Variants in FRMPD4 observed in about 807,000 individuals in gnomAD.
FRMPD4 encodes the protein FERM and PDZ domain-containing protein 4.
In FRMPD4, 22 loss-of-function variants were observed where a neutral mutation model predicts 94.1. That is an observed-to-expected ratio of 0.23 (90% CI 0.17 to 0.33). The LOEUF (loss-of-function observed/expected upper bound fraction) is 0.33, where lower values mean the gene tolerates loss of function less well. Ranked by LOEUF, FRMPD4 falls within the 10% of genes least tolerant of loss-of-function variation. FRMPD4 has a pLI of 1.00. For synonymous variants in FRMPD4, 631 were observed against 548.6 expected, an observed-to-expected ratio of 1.15 and a Z score of -2.10; for missense variants, 1,111 against 1,339.9, an observed-to-expected ratio of 0.83 and a Z score of 2.67.
chrX:12,695,401 T>TTTA (rs1569058599), intron 9 of FRMPD4, among the ~76,000 whole-genome samples: 13 of 110,416 alleles, frequency 1.2e-4, no homozygotes, highest in Non-Finnish European at 1.7e-4. Context: ...ACTCTTTTTT[T>TTTA]TTTATTTATT....
intron 11 of FRMPD4, among the ~76,000 whole-genome samples, chrX:12,704,815 T>C: frequency 8.9e-6 from 1 of 112,358 alleles, no homozygotes; most frequent in Non-Finnish European, 1.9e-5. Context: ...GTTTCAATCA[T>C]GCAATTGCTT....
intron 1 of FRMPD4, among the ~76,000 whole-genome samples, chrX:12,258,263 A>C: frequency 9.0e-6 from 1 of 111,230 alleles, no homozygotes; most frequent in East Asian, 2.8e-4. Context: ...AGGACCTTTA[A>C]GAGGTGATTA....
chrX:12,464,777 A>G (rs2057431479), intron 1 of FRMPD4, among the ~76,000 whole-genome samples: 1 of 112,112 alleles, frequency 8.9e-6, no homozygotes, highest in Admixed American at 9.4e-5. Flanking sequence ...TAATGATTTC[A>G]TATCAAATTA....
chrX:11,836,860 T>G (rs1407301112), intron 1 of FRMPD4, among the ~76,000 whole-genome samples: 1 of 111,955 alleles, frequency 8.9e-6, no homozygotes, highest in Non-Finnish European at 1.9e-5. Context: ...AATTTAAAAG[T>G]TCTATTTCAT....
intron 2 of FRMPD4, among the ~76,000 whole-genome samples, chrX:12,570,769 T>G (rs2058754067): frequency 9.0e-6 from 1 of 111,223 alleles, no homozygotes; most frequent in Admixed American, 9.6e-5. Context: ...ATTTAATAAC[T>G]GAGAAGGCCA....
At chrX:12,079,213 G>C (rs139865204) in intron 3 of FRMPD4, among the ~76,000 whole-genome samples, 3,665 of 110,312 alleles carry the variant, frequency 0.033, 83 homozygotes, top group Non-Finnish European at 0.053. Context: ...AATAATGGTA[G>C]AATAATGGTA....
At chrX:12,705,632 A>C (rs779693616) in intron 11 of FRMPD4, among the ~76,000 whole-genome samples, 22 of 111,090 alleles carry the variant, frequency 2.0e-4, no homozygotes, top group Non-Finnish European at 3.8e-4. Flanking sequence ...GTGAGCATTC[A>C]GCTTACAGAG....
Position 12,498,666 on chromosome X carries a change from T to C in FRMPD4, c.42-14T>C, listed in dbSNP as rs1403383284. 6 of 1,031,214 alleles carry C rather than the reference T, an allele frequency of 5.8e-6. No homozygotes were observed. In the Admixed American group the frequency reaches 6.7e-5, roughly 11 times the overall value. The allele number at this position is 1,031,214 out of a possible 1,213,427, so 85.0% of individuals were successfully genotyped here. A position where few individuals can be genotyped will look rare whatever the true frequency, so the allele number is the denominator to read the frequency against. On this transcript the variant is annotated splice_polypyrimidine_tract_variant and intron_variant, in intron 1 of 16. Coordinates refer to ENST00000675598, the MANE Select transcript of FRMPD4 (RefSeq NM_001368397.1). Reference sequence around the variant, plus strand: ...AGTCAGGTGTAATGATGCTTTTTTTTTTTTCTTTTCCAGCCACAGGACGAA... The same window carrying C: ...AGTCAGGTGTAATGATGCTTTTTTTCTTTTCTTTTCCAGCCACAGGACGAA...
chrX:12,092,921 A>T (rs201076633), intron 3 of FRMPD4, among the ~76,000 whole-genome samples: 1 of 111,796 alleles, frequency 8.9e-6, no homozygotes, highest in East Asian at 2.8e-4. Flanking sequence ...ATTGTCAATG[A>T]GGTGGTTAGA....
chrX:12,016,892 T>C (rs2054607474), intron 3 of FRMPD4, among the ~76,000 whole-genome samples: 1 of 112,030 alleles, frequency 8.9e-6, no homozygotes, highest in Admixed American at 9.5e-5. Context: ...AAGCCTCTAT[T>C]GGAAGCAAAC....
intron 3 of FRMPD4, among the ~76,000 whole-genome samples, chrX:11,997,474 A>G (rs1311473674): frequency 8.9e-6 from 1 of 111,815 alleles, no homozygotes. Context: ...GTGGCTTACA[A>G]TAATATGCAT....
chrX:11,911,151 C>T (rs1397208886), intron 3 of FRMPD4, among the ~76,000 whole-genome samples: 1 of 112,484 alleles, frequency 8.9e-6, no homozygotes, highest in African/African-American at 3.2e-5. Flanking sequence ...AATATGTGAA[C>T]AAATAAGCAT....
intron 1 of FRMPD4, among the ~76,000 whole-genome samples, chrX:11,831,769 G>T (rs1011898348): frequency 8.9e-6 from 1 of 111,786 alleles, no homozygotes. Flanking sequence ...TCAAGGAAAA[G>T]AGTAGTAGCT....
At chrX:12,339,409 AT>A (rs1472088223) in intron 1 of FRMPD4, among the ~76,000 whole-genome samples, 1 of 111,373 alleles carries the variant, frequency 9.0e-6, no homozygotes, top group Non-Finnish European at 1.9e-5. Context: ...TGCTTTTTAC[AT>A]CTTTAACCCC....
chrX:11,980,563 T>C (rs2054391969), intron 3 of FRMPD4, among the ~76,000 whole-genome samples: 1 of 111,740 alleles, frequency 8.9e-6, no homozygotes, highest in Admixed American at 9.5e-5. Flanking sequence ...AAGGTAAGCA[T>C]TTTAGACTGT....
intron 4 of FRMPD4, among the ~76,000 whole-genome samples, chrX:12,623,882 C>A (rs2059322128): frequency 8.9e-6 from 1 of 112,006 alleles, no homozygotes; most frequent in Non-Finnish European, 1.9e-5. Context: ...GAAGAACCGC[C>A]AACCAAGAAT....
chrX:12,293,184 C>T lies in FRMPD4; in HGVS notation c.41+154172C>T, dbSNP rs555447462. On this transcript the variant is annotated intron_variant, in intron 1 of 16. Transcript: ENST00000675598. ...AATAATAATATAGGAATGTGGAAAG[C>T]GAGGCTGGGTGAAAGAATGCTAAGA... 3.7e-4 allele frequency among the ~76,000 whole-genome samples: 41 copies of T among 111,695 alleles called. No individual in the cohort carries two copies. The South Asian group carries it at 0.01, about 28-fold the overall frequency.
chrX:12,387,797 C>T (rs2056417120), intron 1 of FRMPD4, among the ~76,000 whole-genome samples: 1 of 107,272 alleles, frequency 9.3e-6, no homozygotes, highest in Admixed American at 1.0e-4. Flanking sequence ...CTTTCTACCC[C>T]TTCTCTCCCC....
At chrX:12,566,844 T>A (rs1201853869) in intron 2 of FRMPD4, among the ~76,000 whole-genome samples, 1 of 110,990 alleles carries the variant, frequency 9.0e-6, no homozygotes, top group Non-Finnish European at 1.9e-5. Flanking sequence ...TAGCAAAAAA[T>A]ATTATTTCCC....
Sources: gnomAD v4.1 joint callset for allele counts (sites outside exome capture counted in the v4.1 genomes callset) on GRCh38, gnomAD v4.1.1 for gene constraint, MANE v1.5 for transcripts, NCBI Gene and HGNC (gene_info 2026-07-23, HGNC 2026-07-21) for gene names.